Variants in ZC3H12B observed in about 807,000 individuals in gnomAD.
The protein encoded by ZC3H12B is zinc finger CCCH-type containing 12B.
Under a neutral mutation model 43.9 loss-of-function variants are expected in ZC3H12B, and 7 were observed. The ratio of observed to expected loss-of-function variants is 0.16; its 90% CI spans 0.09 to 0.30. The LOEUF is 0.30. Ranked by LOEUF, ZC3H12B falls within the 10% of genes least tolerant of loss-of-function variation. The probability of loss-of-function intolerance (pLI) is 1.00; values close to 1 mark genes in which losing one functional copy is unlikely to be tolerated. For missense variants in ZC3H12B, 475 were observed against 670.2 expected, an observed-to-expected ratio of 0.71 and a Z score of 3.22; for synonymous variants, 222 against 241.7, an observed-to-expected ratio of 0.92 and a Z score of 0.76.
the ZC3H12B span, among the ~76,000 whole-genome samples, chrX:65,227,268 G>A: frequency 9.0e-6 from 1 of 111,484 alleles, no homozygotes; most frequent in Non-Finnish European, 1.9e-5. Flanking sequence ...TGAACAACCT[G>A]CTCCTGAATG....
the ZC3H12B span, among the ~76,000 whole-genome samples, chrX:65,166,257 A>G: frequency 9.1e-6 from 1 of 110,226 alleles, no homozygotes. Context: ...AAGTGTACTC[A>G]TTGGTTAATT....
chrX:65,328,387 C>A, the ZC3H12B span: 1 of 235,807 alleles, frequency 4.2e-6, no homozygotes, highest in Non-Finnish European at 8.5e-6. Context: ...ATGAAACCCA[C>A]ATTCTTCTTG....
the ZC3H12B span, among the ~76,000 whole-genome samples, chrX:65,100,244 C>T: frequency 9.1e-6 from 1 of 110,235 alleles, no homozygotes; most frequent in East Asian, 2.8e-4. Context: ...TGTGAAAAGA[C>T]CAAACCTATG....
chrX:65,367,280 G>T (rs1337661676), intron 1 of ZC3H12B, among the ~76,000 whole-genome samples: 1 of 111,802 alleles, frequency 8.9e-6, no homozygotes, highest in Non-Finnish European at 1.9e-5. Context: ...ACAAGGAGCT[G>T]CAAATAACAT....
chrX:65,151,084 T>A, the ZC3H12B span, among the ~76,000 whole-genome samples: 2 of 112,517 alleles, frequency 1.8e-5, no homozygotes, highest in African/African-American at 6.5e-5. Context: ...TTTGTTTTTA[T>A]AACTATGAAG....
chrX:65,254,869 G>A, the ZC3H12B span, among the ~76,000 whole-genome samples: 1 of 111,501 alleles, frequency 9.0e-6, no homozygotes, highest in African/African-American at 3.3e-5. Flanking sequence ...AAAAAACCAA[G>A]CTGACCTGAT....
the ZC3H12B span, among the ~76,000 whole-genome samples, chrX:65,145,235 G>GT: frequency 1.2e-4 from 5 of 43,346 alleles, no homozygotes; most frequent in Non-Finnish European, 2.7e-4. Context: ...GTCCCTCTTC[G>GT]TTTTCTTTTT....
the ZC3H12B span, among the ~76,000 whole-genome samples, chrX:65,063,316 T>C: frequency 3.6e-5 from 4 of 111,847 alleles, no homozygotes; most frequent in Non-Finnish European, 5.6e-5. Context: ...ATAGCTCTTA[T>C]TATTTTGAGA....
the ZC3H12B span, among the ~76,000 whole-genome samples, chrX:65,153,494 G>A: frequency 8.9e-6 from 1 of 112,331 alleles, no homozygotes; most frequent in African/African-American, 3.2e-5. Flanking sequence ...CACCATCACT[G>A]GCCATCAGAG....
chrX:65,399,032 A>T (rs996774896), intron 3 of ZC3H12B, among the ~76,000 whole-genome samples: 7 of 112,392 alleles, frequency 6.2e-5, no homozygotes, highest in African/African-American at 1.9e-4. Context: ...AAATCCAAAC[A>T]TATTAAAGAC....
At chrX:65,197,183 G>T in the ZC3H12B span, among the ~76,000 whole-genome samples, 10 of 111,850 alleles carry the variant, frequency 8.9e-5, no homozygotes, top group African/African-American at 3.2e-4. Context: ...TACAGCGTCC[G>T]CCCTGGCCGG....
the ZC3H12B span, among the ~76,000 whole-genome samples, chrX:65,361,279 G>A: frequency 8.9e-6 from 1 of 111,824 alleles, no homozygotes; most frequent in Non-Finnish European, 1.9e-5. Flanking sequence ...AGTATAAGGG[G>A]TGACAAGAAT....
the ZC3H12B span, chrX:65,272,517 C>T: frequency 8.9e-6 from 1 of 111,785 alleles, no homozygotes; most frequent in African/African-American, 3.3e-5. Flanking sequence ...TTAAATAGTT[C>T]TGGCAAATTG....
In ZC3H12B at chrX:65,389,026, G is replaced by T. The variant is rs183957379; in HGVS notation, n.296-9567G>T. Among the ~76,000 whole-genome samples, 318 of 112,058 alleles carry T rather than the reference G, an allele frequency of 2.8e-3. 3 individuals carry two copies. Among genetic ancestry groups the T allele is most frequent in the African/African-American group, 9.8e-3 (304 of 30,866 alleles). On this transcript the variant is annotated intron_variant and non_coding_transcript_variant, in intron 2 of 5. Coordinates refer to the ZC3H12B transcript ENST00000617377. ...TTGTCTCAGAGGAGTAAGCGGCTGG[G>T]TGAGGTGTCAGTCTTCCCCTACTGG...
chrX:65,155,240 G>T, the ZC3H12B span, among the ~76,000 whole-genome samples: 1 of 110,455 alleles, frequency 9.1e-6, no homozygotes, highest in African/African-American at 3.3e-5. Context: ...TTACAGGCAT[G>T]ATCCACTGAG....
the ZC3H12B span, chrX:65,330,959 G>A: frequency 3.2e-6 from 1 of 315,663 alleles, no homozygotes; most frequent in Non-Finnish European, 6.3e-6. Context: ...TTCTTTCCTG[G>A]GGCAGCCCCT....
chrX:65,129,140 G>C, the ZC3H12B span, among the ~76,000 whole-genome samples: 3 of 109,054 alleles, frequency 2.8e-5, no homozygotes, highest in Non-Finnish European at 5.7e-5. Context: ...TTGCCTTCTT[G>C]TGTGGTACTT....
intron 3 of ZC3H12B, among the ~76,000 whole-genome samples, chrX:65,474,586 C>A (rs2148202272): frequency 9.0e-6 from 1 of 111,059 alleles, no homozygotes; most frequent in Admixed American, 9.6e-5. Context: ...TGTTTTGTTT[C>A]TCTTTTCTAT....
chrX:65,281,277 C>G, the ZC3H12B span, among the ~76,000 whole-genome samples: 1 of 106,974 alleles, frequency 9.3e-6, no homozygotes, highest in African/African-American at 3.4e-5. Flanking sequence ...CTTTCACCCC[C>G]AGGGTAGAGT....
Sources: allele counts gnomAD v4.1 joint callset (sites outside exome capture counted in the v4.1 genomes callset), GRCh38; gene constraint gnomAD v4.1.1; transcripts MANE v1.5; gene names NCBI Gene and HGNC (gene_info 2026-07-23, HGNC 2026-07-21).